Variants in CCDC43 observed in about 807,000 individuals in gnomAD.
The protein encoded by CCDC43 is coiled-coil domain-containing protein 43.
A neutral mutation model predicts 33.3 loss-of-function variants in CCDC43; 20 were observed. The ratio of observed to expected loss-of-function variants is 0.60; its 90% CI spans 0.42 to 0.87. The LOEUF (loss-of-function observed/expected upper bound fraction) is 0.87, where lower values mean the gene tolerates loss of function less well. Among genes scored for constraint, CCDC43 ranks in the 40% least tolerant of loss-of-function variants. The pLI, the probability that CCDC43 is intolerant of heterozygous loss-of-function variation, is 0.00. For synonymous variants in CCDC43, 104 were observed against 106.5 expected (o/e 0.98, Z 0.14); for missense variants, 248 against 269.9 (o/e 0.92, Z 0.57).
At chr17:44,687,027 A>T (rs1236090743) in intron 1 of CCDC43, among the ~76,000 whole-genome samples, 3 of 152,122 alleles carry the variant, frequency 2.0e-5, no homozygotes, top group African/African-American at 7.2e-5. Context: ...AGAGGCTCAC[A>T]TCTGTAATCT....
intron 3 of CCDC43, among the ~76,000 whole-genome samples, chr17:44,681,126 A>G (rs1972153169): frequency 6.6e-6 from 1 of 152,178 alleles, no homozygotes; most frequent in Non-Finnish European, 1.5e-5. Flanking sequence ...AACCCTGGCA[A>G]GAAAACTCGT....
intron 1 of CCDC43, among the ~76,000 whole-genome samples, chr17:44,684,704 A>AG (rs1001497738): frequency 4.6e-5 from 7 of 152,092 alleles, no homozygotes; most frequent in African/African-American, 7.2e-5. Flanking sequence ...TCAAAAAAAA[A>AG]AAAGAAAGAA....
chr17:44,689,708 C>G lies in CCDC43; in HGVS notation c.46G>C (p.Asp16His), dbSNP rs758515134. The change falls in exon 1 of 5, where the codon GAT (aspartate) becomes CAT (histidine). Residue 16 changes from aspartate (D) to histidine (H), a missense_variant. Coordinates refer to ENST00000315286, the MANE Select transcript of CCDC43 (RefSeq NM_144609.3). ...EVAAIAPGEGDGGGGGFGSWL... is the reference protein window; with the variant it reads ...EVAAIAPGEGHGGGGGFGSWL... Reference sequence around the variant, plus strand: ...GAGCCAAAGCCGCCGCCTCCGCCATCGCCTTCGCCAGGGGCTATCGCGGCC... The same window carrying G: ...GAGCCAAAGCCGCCGCCTCCGCCATGGCCTTCGCCAGGGGCTATCGCGGCC... 2.5e-6 allele frequency: 4 copies of G among 1,600,948 alleles called. No individual in the cohort carries two copies. The South Asian group carries it at 4.5e-5, about 18-fold the overall frequency.
At chr17:44,684,940 C>A (rs2043231125) in intron 1 of CCDC43, among the ~76,000 whole-genome samples, 1 of 151,958 alleles carries the variant, frequency 6.6e-6, no homozygotes, top group Non-Finnish European at 1.5e-5. Context: ...ACTACCACAC[C>A]TGGCTAATTG....
chr17:44,686,350 G>C (rs571672701), intron 1 of CCDC43, among the ~76,000 whole-genome samples: 2 of 152,282 alleles, frequency 1.3e-5, no homozygotes, highest in African/African-American at 2.4e-5. Flanking sequence ...TAGACACACA[G>C]AACTTCCTTG....
At chr17:44,684,951 A>G (rs1435441894) in intron 1 of CCDC43, among the ~76,000 whole-genome samples, 4 of 151,556 alleles carry the variant, frequency 2.6e-5, no homozygotes, top group South Asian at 2.1e-4. Flanking sequence ...TGGCTAATTG[A>G]GTTTGTTGTT....
rs116782431 is a variant in CCDC43 at position 44,678,392 on chromosome 17, C to T, written c.*464G>A. On this transcript the variant is annotated 3_prime_UTR_variant, in exon 5 of 5. Coordinates refer to ENST00000315286, the MANE Select transcript of CCDC43 (RefSeq NM_144609.3). ...AACATAAAATCTGGATCCAGGTAGG[C>T]CTCTTCATTAGCTTTCTATTTCAGC... 413 of 152,526 alleles carry T rather than the reference C, an allele frequency of 2.7e-3. 4 individuals are homozygous for T. Among genetic ancestry groups the T allele is most frequent in the African/African-American group, 9.4e-3 (389 of 41,524 alleles). The allele number at this position is 152,526 out of a possible 1,614,324, so 9.4% of individuals were successfully genotyped here. A position where few individuals can be genotyped will look rare whatever the true frequency, so the allele number is the denominator to read the frequency against.
At chr17:44,684,416 G>C (rs989871690) in intron 1 of CCDC43, among the ~76,000 whole-genome samples, 30 of 152,044 alleles carry the variant, frequency 2.0e-4, no homozygotes, top group Admixed American at 2.0e-3. Context: ...AAACATTTAA[G>C]GCTGGGTGCA....
chr17:44,687,181 G>A (rs1445584096), intron 1 of CCDC43, among the ~76,000 whole-genome samples: 1 of 151,356 alleles, frequency 6.6e-6, no homozygotes, highest in African/African-American at 2.4e-5. Flanking sequence ...GGTGGCTCAC[G>A]CCTATAGCCC....
chr17:44,689,550 C>T lies in CCDC43; in HGVS notation c.204G>A (p.Leu68=), dbSNP rs767924156. ...GAAGGAATGTGTCCAGGCTACTCAC[C>T]AGGAAAGCAGAGAGGATCCCCTGCA... ...DALQGILSAF[L]EEDSLLNICK... is the part of the protein sequence containing the mutation. Residue 68 remains leucine (L), a splice_region_variant and synonymous_variant, in exon 1 of 5, where the codon CTG becomes CTA. Transcript: ENST00000315286. The T allele has an allele frequency of 6.2e-7, 1 of 1,613,936 alleles. No homozygotes were observed. The highest frequency in any genetic ancestry group is 8.5e-7 in the Non-Finnish European group (1 of 1,179,862).
chr17:44,689,248 C>A, intron 1 of CCDC43: 1 of 421,302 alleles, frequency 2.4e-6, no homozygotes, highest in Non-Finnish European at 4.3e-6. Context: ...ATAACATTCC[C>A]ATTCTGACAT....
At chr17:44,682,997 A>T (rs893852488) in intron 2 of CCDC43, among the ~76,000 whole-genome samples, 1 of 152,234 alleles carries the variant, frequency 6.6e-6, no homozygotes, top group East Asian at 1.9e-4. Context: ...CTTTTAAAAA[A>T]TACAAATGCC....
In CCDC43 at chr17:44,678,845, G is replaced by C; in HGVS notation, c.*11C>G. 1.2e-6 allele frequency: 2 copies of C among 1,610,206 alleles called. No individual in the cohort carries two copies. The highest frequency in any genetic ancestry group is 1.7e-6 in the Non-Finnish European group (2 of 1,178,024). ...TAAGTTCATGGGGGGAAAGAATAGA[G>C]TAGGCCAAGGTTATCGCTTTCGCTC... On this transcript the variant is annotated 3_prime_UTR_variant, in exon 5 of 5. Coordinates refer to ENST00000315286, the MANE Select transcript of CCDC43 (RefSeq NM_144609.3).
At chr17:44,687,563 A>G (rs1972257781) in intron 1 of CCDC43, 1 of 152,114 alleles carries the variant, frequency 6.6e-6, no homozygotes. Flanking sequence ...GTTCAAGGCT[A>G]CAGTGAGTTA....
chr17:44,686,391 C>G (rs994467769), intron 1 of CCDC43, among the ~76,000 whole-genome samples: 1 of 152,126 alleles, frequency 6.6e-6, no homozygotes, highest in Admixed American at 6.6e-5. Context: ...ATGGGTTTCC[C>G]CCAACCCCCA....
chr17:44,680,124 T>C (rs984557148), intron 4 of CCDC43, among the ~76,000 whole-genome samples: 1 of 151,722 alleles, frequency 6.6e-6, no homozygotes, highest in African/African-American at 2.4e-5. Context: ...ACTATGACTA[T>C]AGGCACATGC....
chr17:44,683,263 C>A (rs1314928346), intron 2 of CCDC43, among the ~76,000 whole-genome samples: 1 of 152,128 alleles, frequency 6.6e-6, no homozygotes, highest in Non-Finnish European at 1.5e-5. Flanking sequence ...TGCTGTAGCT[C>A]ATGCCTGTAA....
At chr17:44,682,194 A>C in intron 2 of CCDC43, 56 bp from the exon 3 acceptor site, 1 of 1,605,572 alleles carries the variant, frequency 6.2e-7, no homozygotes, top group Non-Finnish European at 8.5e-7. Flanking sequence ...AGCTCACTGA[A>C]CCACTAGTCC....
intron 3 of CCDC43, 150 bp downstream of exon 3, chr17:44,681,853 A>T (rs1262068859): frequency 1.2e-6 from 1 of 831,298 alleles, no homozygotes; most frequent in Non-Finnish European, 1.9e-6. Flanking sequence ...ATCACTCCGC[A>T]TATCCACAAA....
Sources: allele counts gnomAD v4.1 joint callset (sites outside exome capture counted in the v4.1 genomes callset), GRCh38; gene constraint gnomAD v4.1.1; transcripts MANE v1.5; gene names NCBI Gene and HGNC (gene_info 2026-07-23, HGNC 2026-07-21).